The following RELN variants were observed in gnomAD, a reference collection of about 807,000 sequenced individuals.
RELN encodes the protein reelin.
In RELN, 108 loss-of-function variants were observed where a neutral mutation model predicts 427.6. The observed-to-expected ratio is 0.25, with a 90% CI of 0.22 to 0.30. The LOEUF (loss-of-function observed/expected upper bound fraction) is 0.30, where lower values mean the gene tolerates loss of function less well. RELN is among the 10% of genes least tolerant of loss of function. RELN has a pLI of 1.00. For missense variants in RELN, 3,715 were observed against 4,302.8 expected (o/e 0.86, Z 3.82); for synonymous variants, 1,524 against 1,513.4 (o/e 1.01, Z -0.16).
At chr7:103,869,991 C>G (rs1229075929) in intron 2 of RELN, among the ~76,000 whole-genome samples, 1 of 152,092 alleles carries the variant, frequency 6.6e-6, no homozygotes, top group South Asian at 2.1e-4. Context: ...TACACTGATT[C>G]TTTCTTCTGC....
rs2116762162 is a variant in RELN, at chr7:103,950,651, T to C, written c.227-33466A>G. On this transcript the variant is annotated intron_variant, in intron 1 of 64. Coordinates refer to ENST00000428762, the MANE Select transcript of RELN (RefSeq NM_005045.4). ...TATCTAGTTATCTACATGTATTTCC[T>C]AGTGCCTTCTACCAGAAGAAAATTC... Among the ~76,000 whole-genome samples the C allele has an allele frequency of 2.0e-5, 3 of 152,346 alleles. 1 individual carries two copies. Among genetic ancestry groups the C allele is most frequent in the African/African-American group, 7.2e-5 (3 of 41,578 alleles).
intron 3 of RELN, among the ~76,000 whole-genome samples, chr7:103,785,156 A>G (rs191626896): frequency 6.6e-6 from 1 of 152,242 alleles, no homozygotes; most frequent in African/African-American, 2.4e-5. Context: ...GTATCCTTAA[A>G]CTAACTGTAT....
intron 40 of RELN, among the ~76,000 whole-genome samples, chr7:103,551,601 C>A (rs910579770): frequency 6.6e-6 from 1 of 152,122 alleles, no homozygotes; most frequent in African/African-American, 2.4e-5. Context: ...ATTTTCCTAG[C>A]CAAGCCAAGT....
chr7:103,891,865 A>G (rs984326124), intron 2 of RELN, among the ~76,000 whole-genome samples: 2 of 152,094 alleles, frequency 1.3e-5, no homozygotes, highest in African/African-American at 4.8e-5. Context: ...TTCATATCCA[A>G]TGCACTCTGG....
At chr7:103,829,223 C>T (rs1439637471) in intron 3 of RELN, among the ~76,000 whole-genome samples, 1 of 151,796 alleles carries the variant, frequency 6.6e-6, no homozygotes, top group African/African-American at 2.4e-5. Flanking sequence ...TTTACAACCC[C>T]CTTTCCCTGG....
At chr7:103,609,712 C>G (rs1459584850) in intron 22 of RELN, among the ~76,000 whole-genome samples, 1 of 152,132 alleles carries the variant, frequency 6.6e-6, no homozygotes, top group Non-Finnish European at 1.5e-5. Context: ...AGGTTGGTAT[C>G]TAACCAATTG....
chr7:103,801,022 C>A (rs1018624852), intron 3 of RELN, among the ~76,000 whole-genome samples: 6 of 152,042 alleles, frequency 3.9e-5, no homozygotes, highest in African/African-American at 1.4e-4. Flanking sequence ...AAATCAAAAC[C>A]ACAATGAGAT....
chr7:103,762,322 T>C (rs927551699), intron 4 of RELN, among the ~76,000 whole-genome samples: 1 of 152,256 alleles, frequency 6.6e-6, no homozygotes, highest in Non-Finnish European at 1.5e-5. Flanking sequence ...AACTGGTTTA[T>C]GACTAAGAAA....
chr7:103,892,074 C>A (rs1794862806), intron 2 of RELN, among the ~76,000 whole-genome samples: 1 of 152,208 alleles, frequency 6.6e-6, no homozygotes, highest in African/African-American at 2.4e-5. Flanking sequence ...CGTATTCGGA[C>A]AAAGCCATAC....
At chr7:103,796,375 G>C (rs1584246313) in intron 3 of RELN, among the ~76,000 whole-genome samples, 1 of 152,044 alleles carries the variant, frequency 6.6e-6, no homozygotes, top group South Asian at 2.1e-4. Context: ...CAAATTTCTG[G>C]AATCTATCAT....
In RELN at chr7:103,574,087, G is replaced by A. The variant is rs1421174394; in HGVS notation, c.4511+5C>T. ...TGAAAAAGTATACCAGTTAATACTT[G>A]TTACCTGATATTCCTGGTGTCCAGA... is the stretch of plus-strand genomic sequence containing the variant. On this transcript the variant is annotated splice_donor_5th_base_variant and intron_variant, in intron 30 of 64. Transcript: ENST00000428762. The A allele has an allele frequency of 3.7e-6, 6 of 1,605,616 alleles. No homozygotes were observed. In the Middle Eastern group the frequency reaches 6.6e-4, roughly 177 times the overall value.
intron 8 of RELN, among the ~76,000 whole-genome samples, chr7:103,708,624 C>T (rs929103722): frequency 2.9e-4 from 44 of 151,810 alleles, no homozygotes; most frequent in Non-Finnish European, 6.0e-4. Context: ...CCAACACGCC[C>T]GGCTAATTTT....
intron 8 of RELN, among the ~76,000 whole-genome samples, chr7:103,721,277 C>A (rs940830964): frequency 1.3e-5 from 2 of 150,434 alleles, no homozygotes; most frequent in African/African-American, 4.9e-5. Flanking sequence ...TCTCTTTCCC[C>A]AATTCTGTTA....
At chr7:103,494,446 C>G (rs1828769147) in intron 57 of RELN, among the ~76,000 whole-genome samples, 1 of 150,260 alleles carries the variant, frequency 6.7e-6, no homozygotes. Flanking sequence ...GGGATCATAG[C>G]TCACTGTAAC....
intron 37 of RELN, among the ~76,000 whole-genome samples, 163 bp from the exon 38 acceptor site, chr7:103,557,322 G>A (rs1328317354): frequency 6.6e-5 from 10 of 152,124 alleles, no homozygotes; most frequent in Non-Finnish European, 1.5e-4. Flanking sequence ...ATGACAGGTT[G>A]GGCTTTCTGT....
chr7:103,676,222 G>A (rs577404040), intron 11 of RELN, among the ~76,000 whole-genome samples: 1 of 152,230 alleles, frequency 6.6e-6, no homozygotes, highest in Non-Finnish European at 1.5e-5. Context: ...ATCAAAAAGT[G>A]GGCAAAGGCT....
chr7:103,565,381 G>A lies in RELN; in HGVS notation c.5107C>T (p.Pro1703Ser). The A allele has an allele frequency of 1.9e-6, 3 of 1,614,074 alleles. No individual in the cohort carries two copies. The highest frequency in any genetic ancestry group is 2.5e-6 in the Non-Finnish European group (3 of 1,180,002). Residue 1703 changes from proline (P) to serine (S), a missense_variant, in exon 34 of 65, where the codon CCT becomes TCT. Transcript: ENST00000428762. ...TAATGCAGACAGCCAATGGTTGGAG[G>A]AACACACTCTTCGGTGACAAGATGC... ...DWHLVTEECV[P>S]PTIGCLHYTE...
In RELN at chr7:103,588,963, T is replaced by C. The variant is rs561282458; in HGVS notation, c.4145+633A>G. Among the ~76,000 whole-genome samples, 8 of 133,272 alleles carry C rather than the reference T, an allele frequency of 6.0e-5. No individual in the cohort carries two copies. In the South Asian group the frequency reaches 1.6e-3, roughly 26 times the overall value. The allele number at this position is 133,272 out of a possible 152,430, so 87.4% of individuals were successfully genotyped here. A position where few individuals can be genotyped will look rare whatever the true frequency, so the allele number is the denominator to read the frequency against. On this transcript the variant is annotated intron_variant, in intron 28 of 64. Coordinates refer to ENST00000428762, the MANE Select transcript of RELN (RefSeq NM_005045.4). ...TAAGGACTTTTAGAGTTATAATTTG[T>C]TTCATGCATTTTTTTTGCAAATTTG...
chr7:103,926,626 A>AGTTTTTTTT (rs1795743500), intron 1 of RELN, among the ~76,000 whole-genome samples: 1 of 120,460 alleles, frequency 8.3e-6, no homozygotes, highest in African/African-American at 3.4e-5. Flanking sequence ...AAGTATCATA[A>AGTTTTTTTT]GTTTTTTTTT....
Sources: allele counts gnomAD v4.1 joint callset (sites outside exome capture counted in the v4.1 genomes callset), GRCh38; gene constraint gnomAD v4.1.1; transcripts MANE v1.5; gene names NCBI Gene and HGNC (gene_info 2026-07-23, HGNC 2026-07-21).